The following SGCZ variants were observed in gnomAD, a reference collection of about 807,000 sequenced individuals.
SGCZ encodes zeta-sarcoglycan.
In SGCZ, 40 loss-of-function variants were observed where a neutral mutation model predicts 41.3. The ratio of observed to expected loss-of-function variants is 0.97; its 90% CI spans 0.75 to 1.26. The LOEUF (loss-of-function observed/expected upper bound fraction) is 1.26, where lower values mean the gene tolerates loss of function less well. Among genes scored for constraint, SGCZ ranks in the 50% most tolerant of loss-of-function variants. SGCZ has a pLI of 0.00. For synonymous variants in SGCZ, 206 were observed against 137.5 expected, an observed-to-expected ratio of 1.50 and a Z score of -3.49; for missense variants, 552 against 369.8, an observed-to-expected ratio of 1.49 and a Z score of -4.04.
At chr8:14,751,113 G>A (rs1746121493) in intron 1 of SGCZ, among the ~76,000 whole-genome samples, 2 of 152,138 alleles carry the variant, frequency 1.3e-5, no homozygotes, top group South Asian at 2.1e-4. Context: ...TTTCTTAGAT[G>A]TTAGCCTATT....
intron 1 of SGCZ, among the ~76,000 whole-genome samples, chr8:14,974,255 T>C (rs1801393269): frequency 6.6e-6 from 1 of 152,196 alleles, no homozygotes. Flanking sequence ...TTTAAGTTCT[T>C]ATGTAAAACA....
At chr8:15,146,395 T>A (rs1315537233) in intron 1 of SGCZ, among the ~76,000 whole-genome samples, 2 of 151,946 alleles carry the variant, frequency 1.3e-5, no homozygotes, top group Admixed American at 1.3e-4. Flanking sequence ...AGAAATGGAG[T>A]CTCCATATTG....
chr8:14,262,746 T>C (rs905178802), intron 3 of SGCZ, among the ~76,000 whole-genome samples: 9 of 151,026 alleles, frequency 6.0e-5, no homozygotes, highest in African/African-American at 2.2e-4. Flanking sequence ...TCGTGATATA[T>C]GAGCATAAAA....
intron 2 of SGCZ, among the ~76,000 whole-genome samples, chr8:14,512,317 A>G (rs1325400000): frequency 1.3e-5 from 2 of 152,130 alleles, no homozygotes; most frequent in Admixed American, 6.6e-5. Context: ...GATCACACCA[A>G]TTACACCCAT....
intron 1 of SGCZ, among the ~76,000 whole-genome samples, chr8:15,062,120 A>G (rs1235534546): frequency 3.3e-5 from 5 of 152,170 alleles, no homozygotes; most frequent in African/African-American, 1.2e-4. Context: ...CTCCCTAAAC[A>G]TCCTATAGTC....
At chr8:14,997,777 T>G (rs1329815199) in intron 1 of SGCZ, among the ~76,000 whole-genome samples, 1 of 152,110 alleles carries the variant, frequency 6.6e-6, no homozygotes, top group Non-Finnish European at 1.5e-5. Flanking sequence ...CTGGTCAACT[T>G]GGTGAAACCT....
intron 1 of SGCZ, among the ~76,000 whole-genome samples, chr8:14,846,512 G>A (rs1461846811): frequency 3.3e-5 from 5 of 151,652 alleles, no homozygotes; most frequent in Admixed American, 1.3e-4. Context: ...TAGACTCCAC[G>A]GATAACAAAA....
intron 2 of SGCZ, among the ~76,000 whole-genome samples, chr8:14,395,481 G>A (rs1393202759): frequency 6.6e-6 from 1 of 152,152 alleles, no homozygotes; most frequent in African/African-American, 2.4e-5. Flanking sequence ...ATCAGCAATG[G>A]CAGAATACAC....
intron 1 of SGCZ, among the ~76,000 whole-genome samples, chr8:14,585,253 T>C (rs1184415429): frequency 6.6e-6 from 1 of 152,162 alleles, no homozygotes; most frequent in Non-Finnish European, 1.5e-5. Context: ...CACTTAAATA[T>C]AAAAACTTCA....
chr8:14,798,721 T>A (rs1585269620), intron 1 of SGCZ, among the ~76,000 whole-genome samples: 2 of 104,928 alleles, frequency 1.9e-5, no homozygotes, highest in African/African-American at 3.4e-5. Flanking sequence ...TACAATCACA[T>A]TATTTTCATT....
chr8:14,398,822 C>A lies in SGCZ; in HGVS notation c.235-74618G>T, dbSNP rs1446872249. ...GTTGGTTAGACTAGAGCTCACATAG[C>A]AGGTGGCTTTGAGGTGATTATTTAG... On this transcript the variant is annotated intron_variant, in intron 2 of 7. Coordinates refer to ENST00000382080, the MANE Select transcript of SGCZ (RefSeq NM_139167.4). Among the ~76,000 whole-genome samples, 4 of 152,040 alleles carry A rather than the reference C, an allele frequency of 2.6e-5. No homozygotes were observed. In the East Asian group the frequency reaches 7.7e-4, roughly 29 times the overall value.
chr8:14,422,464 G>GA (rs557988336), intron 2 of SGCZ, among the ~76,000 whole-genome samples: 124 of 152,250 alleles, frequency 8.1e-4, no homozygotes, highest in African/African-American at 2.8e-3. Flanking sequence ...TTTAAATAGT[G>GA]AAAATCTCGT....
At chr8:14,482,758 G>T (rs539374658) in intron 2 of SGCZ, among the ~76,000 whole-genome samples, 2 of 151,952 alleles carry the variant, frequency 1.3e-5, no homozygotes, top group Non-Finnish European at 2.9e-5. Flanking sequence ...GCAGAGGAAG[G>T]TAGAATGCTG....
At chr8:14,527,390 C>T (rs1802985378) in intron 2 of SGCZ, among the ~76,000 whole-genome samples, 1 of 152,182 alleles carries the variant, frequency 6.6e-6, no homozygotes, top group Admixed American at 6.5e-5. Flanking sequence ...CAACCTCAAA[C>T]TCCTGGGCTC....
chr8:14,824,113 A>T (rs1328549840), intron 1 of SGCZ, among the ~76,000 whole-genome samples: 2 of 152,056 alleles, frequency 1.3e-5, no homozygotes, highest in Non-Finnish European at 2.9e-5. Context: ...GGAGAGGAGG[A>T]TGAGAAAAGG....
chr8:14,261,473 C>A (rs1485144627), intron 3 of SGCZ, among the ~76,000 whole-genome samples: 1 of 152,032 alleles, frequency 6.6e-6, no homozygotes, highest in Non-Finnish European at 1.5e-5. Flanking sequence ...CAATATTGTT[C>A]TTCTGAAGCT....
intron 1 of SGCZ, among the ~76,000 whole-genome samples, chr8:15,112,328 A>C (rs965029457): frequency 2.5e-4 from 38 of 152,236 alleles, no homozygotes; most frequent in African/African-American, 7.7e-4. Context: ...ATTAATGTGC[A>C]AACAATAGTA....
intron 2 of SGCZ, among the ~76,000 whole-genome samples, chr8:14,416,985 T>G (rs988848351): frequency 6.6e-6 from 1 of 151,854 alleles, no homozygotes; most frequent in Non-Finnish European, 1.5e-5. Flanking sequence ...ATGTGAGAAG[T>G]ATGGGAGTTA....
chr8:14,243,083 G>A (rs1284482132), intron 3 of SGCZ, among the ~76,000 whole-genome samples: 2 of 152,092 alleles, frequency 1.3e-5, no homozygotes, highest in Admixed American at 6.5e-5. Flanking sequence ...CAAATGAGGA[G>A]GGTATGTTAT....
Sources: allele counts gnomAD v4.1 joint callset (sites outside exome capture counted in the v4.1 genomes callset), GRCh38; gene constraint gnomAD v4.1.1; transcripts MANE v1.5; gene names NCBI Gene and HGNC (gene_info 2026-07-23, HGNC 2026-07-21).